Variants in CATSPERT observed in about 807,000 individuals in gnomAD.
The protein encoded by CATSPERT is catsper channel auxiliary subunit tau.
chr2:201,606,915 A>G, the CATSPERT span, among the ~76,000 whole-genome samples: 52 of 151,844 alleles, frequency 3.4e-4, no homozygotes, highest in Non-Finnish European at 6.8e-4. Flanking sequence ...AAAAAAAAAA[A>G]GACTTATGGA....
chr2:201,565,779 G>C, the CATSPERT span: 1 of 1,610,398 alleles, frequency 6.2e-7, no homozygotes, highest in South Asian at 1.1e-5. Context: ...CAGATGGCTG[G>C]TTGGAGGATT....
At chr2:201,528,331 C>A in the CATSPERT span, among the ~76,000 whole-genome samples, 1 of 152,088 alleles carries the variant, frequency 6.6e-6, no homozygotes, top group Non-Finnish European at 1.5e-5. Context: ...AATTACTTCA[C>A]CCACTGTGAA....
the CATSPERT span, among the ~76,000 whole-genome samples, chr2:201,577,211 C>T: frequency 6.6e-6 from 1 of 151,542 alleles, no homozygotes; most frequent in Non-Finnish European, 1.5e-5. Context: ...GTCCCATCCT[C>T]AAGCTATCTC....
the CATSPERT span, among the ~76,000 whole-genome samples, chr2:201,539,589 T>C: frequency 6.6e-6 from 1 of 151,454 alleles, no homozygotes; most frequent in African/African-American, 2.4e-5. Context: ...TTTTGGTTTT[T>C]TTTGCCAAGA....
At chr2:201,532,919 G>A in the CATSPERT span, among the ~76,000 whole-genome samples, 7 of 152,152 alleles carry the variant, frequency 4.6e-5, no homozygotes, top group Non-Finnish European at 1.0e-4. Context: ...TGTAAGATCT[G>A]TTAAGGCCTC....
At chr2:201,520,844 G>T in the CATSPERT span, among the ~76,000 whole-genome samples, 1 of 150,016 alleles carries the variant, frequency 6.7e-6, no homozygotes, top group African/African-American at 2.5e-5. Flanking sequence ...AGTCAAGATC[G>T]TGCCACTGCA....
At chr2:201,589,604 T>G in the CATSPERT span, among the ~76,000 whole-genome samples, 1 of 152,060 alleles carries the variant, frequency 6.6e-6, no homozygotes, top group Admixed American at 6.6e-5. Context: ...AAAAATTCAC[T>G]CAAGATTGAT....
chr2:201,567,015 G>A, the CATSPERT span, among the ~76,000 whole-genome samples: 3 of 152,174 alleles, frequency 2.0e-5, no homozygotes, highest in African/African-American at 7.2e-5. Flanking sequence ...AAGTGGCAAA[G>A]CTAACATTTG....
the CATSPERT span, among the ~76,000 whole-genome samples, chr2:201,579,954 C>T: frequency 6.6e-5 from 10 of 151,028 alleles, no homozygotes; most frequent in African/African-American, 1.5e-4. Context: ...TGGGCTCAAT[C>T]GACCCTTCTG....
the CATSPERT span, among the ~76,000 whole-genome samples, chr2:201,579,528 C>A: frequency 2.6e-5 from 4 of 152,208 alleles, no homozygotes; most frequent in Non-Finnish European, 5.9e-5. Context: ...AAGCAATCCA[C>A]CTCCCTCAGC....
the CATSPERT span, chr2:201,493,223 T>TGACCAAATGTCAG: frequency 6.5e-7 from 1 of 1,536,562 alleles, no homozygotes; most frequent in Non-Finnish European, 8.7e-7. Flanking sequence ...TTTTTGTCTT[T>TGACCAAATGTCAG]ACAAAGCCTC....
At chr2:201,520,988 T>C in the CATSPERT span, among the ~76,000 whole-genome samples, 21 of 150,988 alleles carry the variant, frequency 1.4e-4, no homozygotes, top group Non-Finnish European at 2.9e-4. Flanking sequence ...ACCAATAAAT[T>C]TGAAAACCTA....
At chr2:201,515,554 T>C in the CATSPERT span, among the ~76,000 whole-genome samples, 1 of 152,036 alleles carries the variant, frequency 6.6e-6, no homozygotes, top group Non-Finnish European at 1.5e-5. Flanking sequence ...GCCACTGAAA[T>C]TGAGGATTTT....
At chr2:201,608,355 A>G in the CATSPERT span, among the ~76,000 whole-genome samples, 132,388 of 152,166 alleles carry the variant, frequency 0.87, 58,789 homozygotes, top group South Asian at 0.98. Flanking sequence ...CTCAGTCACC[A>G]TGATAATAAT....
chr2:201,520,083 T>C, the CATSPERT span, among the ~76,000 whole-genome samples: 1 of 152,188 alleles, frequency 6.6e-6, no homozygotes, highest in Admixed American at 6.6e-5. Context: ...AAGAACATTA[T>C]ATAATAATAA....
chr2:201,568,843 G>T, the CATSPERT span, among the ~76,000 whole-genome samples: 2 of 152,156 alleles, frequency 1.3e-5, no homozygotes, highest in Non-Finnish European at 2.9e-5. Flanking sequence ...CAATGATTCT[G>T]CCAGTTACTG....
chr2:201,501,395 C>CAAA, the CATSPERT span, among the ~76,000 whole-genome samples: 109 of 46,446 alleles, frequency 2.3e-3, no homozygotes, highest in African/African-American at 2.7e-3. Flanking sequence ...AACTCCATCT[C>CAAA]AAAAAAAAAA....
the CATSPERT span, among the ~76,000 whole-genome samples, chr2:201,576,206 G>A: frequency 1.3e-5 from 2 of 152,008 alleles, no homozygotes. Context: ...TTTATATTTC[G>A]TAGGGCACTT....
the CATSPERT span, chr2:201,491,559 G>T: frequency 6.5e-7 from 1 of 1,536,852 alleles, no homozygotes; most frequent in Non-Finnish European, 8.7e-7. Context: ...GACAATACTG[G>T]TCTTCTAATT....
Sources: allele counts gnomAD v4.1 joint callset (sites outside exome capture counted in the v4.1 genomes callset), GRCh38; gene constraint gnomAD v4.1.1; transcripts MANE v1.5; gene names NCBI Gene and HGNC (gene_info 2026-07-23, HGNC 2026-07-21).